The following MYH7B variants were observed in gnomAD, a reference collection of about 807,000 sequenced individuals.
MYH7B encodes the protein myosin-7B.
Under a neutral mutation model 234.5 loss-of-function variants are expected in MYH7B, and 205 were observed. That is an observed-to-expected ratio of 0.87 (90% CI 0.78 to 0.98). MYH7B has a LOEUF of 0.98. MYH7B is among the 50% of genes least tolerant of loss of function. MYH7B has a pLI of 0.00. For synonymous variants in MYH7B, 1,193 were observed against 1,105.0 expected (o/e 1.08, Z -1.58); for missense variants, 2,652 against 2,633.4 (o/e 1.01, Z -0.15).
chr20:34,975,416 T>A (rs2081839130), exon 3 of MYH7B: 2 of 642,600 alleles, frequency 3.1e-6, no homozygotes, highest in Admixed American at 5.0e-5. Flanking sequence ...GGTTTTGATG[T>A]GTTGCCCAGG....
rs1297069160 is a variant in MYH7B at position 34,993,473 on chromosome 20, G to A, written c.2444+3G>A. The A allele has an allele frequency of 1.2e-5, 19 of 1,591,490 alleles. No individual in the cohort carries two copies. In the South Asian group the frequency reaches 2.1e-4, roughly 18 times the overall value. Reference sequence around the variant, plus strand: ...TACCAGCGCCTGCTGGGAGGCAGGTGGGTGTGGGAAGGAGGCTGGGGACAG... The same window carrying A: ...TACCAGCGCCTGCTGGGAGGCAGGTAGGTGTGGGAAGGAGGCTGGGGACAG... On this transcript the variant is annotated splice_donor_region_variant and intron_variant, in intron 26 of 44. Transcript: ENST00000262873.
chr20:35,002,057 C>A (rs1463166838), exon 44 of MYH7B: 4 of 1,613,902 alleles, frequency 2.5e-6, no homozygotes, highest in Non-Finnish European at 3.4e-6. Flanking sequence ...AAGCTGCGGG[C>A]ACGGACCCGG....
intron 2 of MYH7B, among the ~76,000 whole-genome samples, chr20:34,974,333 G>C (rs150506032): frequency 2.0e-5 from 3 of 150,398 alleles, no homozygotes; most frequent in African/African-American, 2.5e-5. Context: ...GCCTCCGAAA[G>C]TGCTGGGATT....
At chr20:34,986,265 C>CTGATGGGG in intron 14 of MYH7B, 67 bp downstream of exon 14, 1 of 1,268,574 alleles carries the variant, frequency 7.9e-7, no homozygotes, top group Non-Finnish European at 1.1e-6. Context: ...GCTTCCTGGC[C>CTGATGGGG]CCCATCAGGC....
chr20:34,958,841 T>A (rs1034469197), intron 2 of MYH7B, among the ~76,000 whole-genome samples: 10 of 152,222 alleles, frequency 6.6e-5, no homozygotes, highest in African/African-American at 2.4e-4. Flanking sequence ...TGCTAGAATG[T>A]GAGCCCCATG....
chr20:34,977,738 G>GGGGGGGGGGGGGGGGGGGA, intron 4 of MYH7B, 58 bp downstream of exon 4: 1 of 317,154 alleles, frequency 3.2e-6, no homozygotes, highest in Non-Finnish European at 5.9e-6. Context: ...GGGCGGGTGG[G>GGGGGGGGGGGGGGGGGGGA]TGAGGGTGCC....
exon 33 of MYH7B, chr20:34,998,299 G>C: frequency 6.2e-7 from 1 of 1,613,948 alleles, no homozygotes; most frequent in South Asian, 1.1e-5. Context: ...TCCTAGGCCA[G>C]TGCAGAGAAG....
chr20:34,975,074 A>T (rs2081835324), intron 2 of MYH7B, among the ~76,000 whole-genome samples: 1 of 152,376 alleles, frequency 6.6e-6, no homozygotes, highest in South Asian at 2.1e-4. Flanking sequence ...AGAAGTCAGT[A>T]TTATATTGTG....
In MYH7B at chr20:34,990,266, C is replaced by T. The variant is rs1196931413; in HGVS notation, c.1933C>T (p.Arg645Cys). The T allele has an allele frequency of 1.9e-6, 3 of 1,614,026 alleles. No homozygotes were observed. The highest frequency in any genetic ancestry group is 4.5e-5 in the East Asian group (2 of 44,898). Residue 645 changes from arginine to cysteine, a missense_variant, in exon 22 of 45, where the codon CGT becomes TGT. Transcript: ENST00000262873. ...CCCCAAGTCTGGGGTGAAAGAGAAG[C>T]GTAAGAAGGCAGCATCGTTCCAGAC... is the stretch of plus-strand genomic sequence containing the variant.
chr20:34,997,803 G>A (rs2082292770), intron 32 of MYH7B, among the ~76,000 whole-genome samples, 163 bp downstream of exon 32: 1 of 152,014 alleles, frequency 6.6e-6, no homozygotes, highest in Non-Finnish European at 1.5e-5. Flanking sequence ...TACCAGTCCT[G>A]ACCTTAAGCC....
chr20:34,993,557 G>GAT, intron 26 of MYH7B, 87 bp downstream of exon 26: 1 of 1,386,478 alleles, frequency 7.2e-7, no homozygotes, highest in Non-Finnish European at 9.5e-7. Flanking sequence ...CTAACATGCT[G>GAT]CCCTGTAGTC....
intron 32 of MYH7B, among the ~76,000 whole-genome samples, 174 bp downstream of exon 32, chr20:34,997,814 G>A (rs1470405712): frequency 1.3e-5 from 2 of 151,972 alleles, no homozygotes; most frequent in Admixed American, 6.6e-5. Context: ...ACCTTAAGCC[G>A]TGACTCCCAA....
intron 32 of MYH7B, 45 bp downstream of exon 32, chr20:34,997,685 A>T (rs1388430558): frequency 6.2e-7 from 1 of 1,604,654 alleles, no homozygotes; most frequent in East Asian, 2.2e-5. Flanking sequence ...ACTTTAAACC[A>T]ATCCCGATCC....
At chr20:34,996,955 G>A (rs1332335659) in intron 30 of MYH7B, 128 bp from the exon 31 acceptor site, 2 of 1,275,096 alleles carry the variant, frequency 1.6e-6, no homozygotes, top group Non-Finnish European at 2.1e-6. Context: ...GAGGCCTCAG[G>A]GCCCAGTGCA....
rs1451917172 is a variant in MYH7B, at chr20:34,979,650, C to T, written c.199-11C>T. 2.5e-6 allele frequency: 4 copies of T among 1,614,038 alleles called. No homozygotes were observed. Among genetic ancestry groups the T allele is most frequent in the Non-Finnish European group, 3.4e-6 (4 of 1,179,952 alleles). On this transcript the variant is annotated splice_polypyrimidine_tract_variant and intron_variant, in intron 6 of 44. Coordinates refer to ENST00000262873, the Ensembl canonical transcript of MYH7B. Reference sequence around the variant, plus strand: ...CCGGTCCCCCGGCCCCTGACACGATCTCCCTGGTAGGTGCTGATGGTGCGT... The same window carrying T: ...CCGGTCCCCCGGCCCCTGACACGATTTCCCTGGTAGGTGCTGATGGTGCGT...
Position 34,999,037 on chromosome 20 carries a change from G to A in MYH7B, c.4191-19G>A, listed in dbSNP as rs539629178. 2.4e-5 allele frequency: 39 copies of A among 1,600,342 alleles called. No homozygotes were observed. The highest frequency in any genetic ancestry group is 3.1e-5 in the Non-Finnish European group (36 of 1,173,296). ...TCCCTCCTTCCATGGTCCACACCTT[G>A]TCTGGTTCCATGGCCTAGAAAAAAG... On this transcript the variant is annotated intron_variant, in intron 35 of 44. Transcript: ENST00000262873.
chr20:34,997,763 C>T, intron 32 of MYH7B, 123 bp downstream of exon 32: 2 of 1,196,426 alleles, frequency 1.7e-6, no homozygotes, highest in African/African-American at 3.1e-5. Flanking sequence ...ACCTCTTCAC[C>T]TGGTACACAA....
exon 36 of MYH7B, chr20:34,999,322 C>T: frequency 6.4e-7 from 1 of 1,570,808 alleles, no homozygotes; most frequent in Non-Finnish European, 8.6e-7. Flanking sequence ...GGCCTGGGCA[C>T]CGAGCTCTTC....
In MYH7B at chr20:35,000,704, C is replaced by G. The variant is rs372833683; in HGVS notation, c.5178+15C>G. Reference sequence around the variant, plus strand: ...TGCATTCGCAGGTGGGGACAGGAGTCCCTGGGGACAGAGCAGGTGCAGGCC... The same window carrying G: ...TGCATTCGCAGGTGGGGACAGGAGTGCCTGGGGACAGAGCAGGTGCAGGCC... On this transcript the variant is annotated intron_variant, in intron 39 of 44. Coordinates refer to ENST00000262873, the Ensembl canonical transcript of MYH7B. 8.1e-6 allele frequency: 13 copies of G among 1,599,414 alleles called. No homozygotes were observed. The highest frequency in any genetic ancestry group is 1.1e-5 in the Non-Finnish European group (13 of 1,173,546).
Sources: allele counts gnomAD v4.1 joint callset (sites outside exome capture counted in the v4.1 genomes callset), GRCh38; gene constraint gnomAD v4.1.1; transcripts MANE v1.5; gene names NCBI Gene and HGNC (gene_info 2026-07-23, HGNC 2026-07-21).